CACNA2D3: variants seen among roughly 807,000 people sequenced by gnomAD.
The protein encoded by CACNA2D3 is voltage-dependent calcium channel subunit alpha-2/delta-3.
A neutral mutation model predicts 160.6 loss-of-function variants in CACNA2D3; 60 were observed. The observed-to-expected ratio is 0.37, with a 90% CI of 0.30 to 0.46. The LOEUF (loss-of-function observed/expected upper bound fraction) is 0.46, where lower values mean the gene tolerates loss of function less well. Among genes scored for constraint, CACNA2D3 ranks in the 20% least tolerant of loss-of-function variants. The pLI, the probability that CACNA2D3 is intolerant of heterozygous loss-of-function variation, is 1.00. For synonymous variants in CACNA2D3, 558 were observed against 492.9 expected (o/e 1.13, Z -1.75); for missense variants, 1,205 against 1,365.0 (o/e 0.88, Z 1.85).
At chr3:54,507,243 T>C (rs1690394111) in intron 5 of CACNA2D3, among the ~76,000 whole-genome samples, 1 of 152,184 alleles carries the variant, frequency 6.6e-6, no homozygotes, top group South Asian at 2.1e-4. Flanking sequence ...TCACTGTTTT[T>C]ATTCCTATTA....
chr3:54,680,903 G>T (rs1479822268), intron 11 of CACNA2D3, among the ~76,000 whole-genome samples: 1 of 152,186 alleles, frequency 6.6e-6, no homozygotes, highest in African/African-American at 2.4e-5. Context: ...CACTCACTCT[G>T]TGTGCCAAGT....
chr3:54,303,312 A>G (rs940020369), intron 2 of CACNA2D3, among the ~76,000 whole-genome samples: 4 of 152,262 alleles, frequency 2.6e-5, no homozygotes, highest in South Asian at 2.1e-4. Context: ...ACTTGATTCT[A>G]TAGTCTTTTC....
At chr3:54,797,473 C>T (rs1462606989) in intron 13 of CACNA2D3, among the ~76,000 whole-genome samples, 1 of 152,096 alleles carries the variant, frequency 6.6e-6, no homozygotes, top group Non-Finnish European at 1.5e-5. Context: ...TTTTGAGAGG[C>T]TTACGATTCA....
At chr3:54,621,919 C>CT (rs371773575) in intron 9 of CACNA2D3, among the ~76,000 whole-genome samples, 3 of 152,250 alleles carry the variant, frequency 2.0e-5, no homozygotes, top group Non-Finnish European at 2.9e-5. Flanking sequence ...GAAAGTCTCA[C>CT]TTTTTTTTCT....
intron 17 of CACNA2D3, among the ~76,000 whole-genome samples, chr3:54,867,547 T>C (rs143528107): frequency 0.013 from 1,706 of 134,740 alleles, 28 homozygotes; most frequent in South Asian, 0.046. Context: ...AAAAAAGGCC[T>C]TTAAAAGGGA....
intron 16 of CACNA2D3, among the ~76,000 whole-genome samples, chr3:54,840,908 G>A (rs916202142): frequency 2.0e-5 from 3 of 150,558 alleles, no homozygotes; most frequent in Non-Finnish European, 3.0e-5. Context: ...ATTTTTAGTA[G>A]AGATGGGGTT....
intron 4 of CACNA2D3, among the ~76,000 whole-genome samples, chr3:54,458,781 A>G (rs1700445016): frequency 9.5e-6 from 1 of 105,598 alleles, no homozygotes; most frequent in African/African-American, 4.1e-5. Context: ...TTATTTTATT[A>G]TTATTATACT....
intron 6 of CACNA2D3, among the ~76,000 whole-genome samples, chr3:54,564,870 T>G (rs1702384719): frequency 6.6e-6 from 1 of 152,194 alleles, no homozygotes; most frequent in African/African-American, 2.4e-5. Context: ...CTCATGTAAT[T>G]TGAAATCTAG....
intron 9 of CACNA2D3, among the ~76,000 whole-genome samples, chr3:54,619,130 T>C (rs1698926239): frequency 1.3e-5 from 2 of 152,370 alleles, no homozygotes; most frequent in Admixed American, 6.5e-5. Context: ...AGCACTGGGC[T>C]TCAGCTTTTC....
intron 11 of CACNA2D3, among the ~76,000 whole-genome samples, chr3:54,739,930 C>A (rs558869846): frequency 1.3e-5 from 2 of 152,120 alleles, no homozygotes; most frequent in Non-Finnish European, 2.9e-5. Context: ...GAGCTTACAA[C>A]TTCCGCAAGG....
chr3:54,583,416 T>A (rs978700654), intron 9 of CACNA2D3, among the ~76,000 whole-genome samples: 1 of 152,216 alleles, frequency 6.6e-6, no homozygotes, highest in African/African-American at 2.4e-5. Context: ...AATCTGGACT[T>A]CTTATTCTGC....
At chr3:54,258,678 T>C (rs1479326683) in intron 2 of CACNA2D3, among the ~76,000 whole-genome samples, 1 of 152,026 alleles carries the variant, frequency 6.6e-6, no homozygotes, top group African/African-American at 2.4e-5. Context: ...AGGAAAAAGA[T>C]CCAACATAAA....
intron 12 of CACNA2D3, among the ~76,000 whole-genome samples, chr3:54,759,480 C>T (rs1463875368): frequency 9.8e-6 from 1 of 101,988 alleles, no homozygotes; most frequent in African/African-American, 3.4e-5. Flanking sequence ...ATTTAAAAAC[C>T]AAAAAAAAAA....
chr3:54,563,855 C>T (rs1005929431), intron 6 of CACNA2D3, among the ~76,000 whole-genome samples: 1 of 152,174 alleles, frequency 6.6e-6, no homozygotes, highest in Admixed American at 6.5e-5. Context: ...GTTTGCCCCG[C>T]GCACAGCATC....
chr3:54,643,823 A>G (rs1699577721), intron 11 of CACNA2D3, among the ~76,000 whole-genome samples: 1 of 152,206 alleles, frequency 6.6e-6, no homozygotes, highest in South Asian at 2.1e-4. Context: ...GGGTGCTAAG[A>G]GGGAGGCTCC....
intron 14 of CACNA2D3, among the ~76,000 whole-genome samples, chr3:54,821,147 G>C (rs1703582235): frequency 1.3e-5 from 2 of 152,138 alleles, no homozygotes; most frequent in Non-Finnish European, 2.9e-5. Flanking sequence ...GGTTTCCTAG[G>C]TGCTCTATGT....
intron 2 of CACNA2D3, among the ~76,000 whole-genome samples, chr3:54,259,710 A>C (rs1372219402): frequency 6.6e-6 from 1 of 152,214 alleles, no homozygotes; most frequent in Admixed American, 6.5e-5. Flanking sequence ...AGCATTGTAA[A>C]TATATATCAT....
chr3:54,315,538 T>C (rs1703840452), intron 2 of CACNA2D3, among the ~76,000 whole-genome samples: 1 of 152,204 alleles, frequency 6.6e-6, no homozygotes, highest in African/African-American at 2.4e-5. Flanking sequence ...CTCAGTCACC[T>C]ACCCCTCTAC....
chr3:54,181,742 G>A (rs965970484), intron 2 of CACNA2D3, among the ~76,000 whole-genome samples: 5 of 152,170 alleles, frequency 3.3e-5, no homozygotes, highest in African/African-American at 1.2e-4. Context: ...TGGCCAGGTT[G>A]CACATGCTTC....
Sources: allele counts gnomAD v4.1 joint callset (sites outside exome capture counted in the v4.1 genomes callset), GRCh38; gene constraint gnomAD v4.1.1; transcripts MANE v1.5; gene names NCBI Gene and HGNC (gene_info 2026-07-23, HGNC 2026-07-21).